NLGN4X: variants seen among roughly 807,000 people sequenced by gnomAD.
NLGN4X encodes the protein neuroligin-4, X-linked.
In NLGN4X, 3 loss-of-function variants were observed where a neutral mutation model predicts 40.3. The ratio of observed to expected loss-of-function variants is 0.07; its 90% CI spans 0.03 to 0.19. NLGN4X has a LOEUF of 0.19. Ranked by LOEUF, NLGN4X falls within the 10% of genes least tolerant of loss-of-function variation. NLGN4X has a pLI of 1.00. For synonymous variants in NLGN4X, 270 were observed against 306.8 expected, an observed-to-expected ratio of 0.88 and a Z score of 1.25; for missense variants, 382 against 708.3, an observed-to-expected ratio of 0.54 and a Z score of 5.23.
intron 2 of NLGN4X, among the ~76,000 whole-genome samples, chrX:6,065,878 T>G (rs190575935): frequency 4.4e-4 from 49 of 112,156 alleles, no homozygotes; most frequent in Non-Finnish European, 8.1e-4. Flanking sequence ...TTTTAAAATG[T>G]TAAATCAAAA....
intron 2 of NLGN4X, among the ~76,000 whole-genome samples, chrX:6,122,553 G>A (rs757745222): frequency 5.4e-5 from 6 of 110,452 alleles, no homozygotes; most frequent in Admixed American, 9.7e-5. Context: ...GCTTTTGATT[G>A]CCCATTGGAC....
At chrX:6,022,024 C>A (rs2036572231) in intron 3 of NLGN4X, among the ~76,000 whole-genome samples, 1 of 112,148 alleles carries the variant, frequency 8.9e-6, no homozygotes, top group Admixed American at 9.5e-5. Flanking sequence ...CTTTCTCACC[C>A]TTCTCTCATG....
intron 1 of NLGN4X, among the ~76,000 whole-genome samples, chrX:6,219,982 C>G (rs773903968): frequency 1.8e-5 from 2 of 108,308 alleles, no homozygotes; most frequent in Non-Finnish European, 3.8e-5. Flanking sequence ...TACTTTGATT[C>G]GACAAAAACA....
intron 2 of NLGN4X, among the ~76,000 whole-genome samples, chrX:6,095,883 C>G (rs975305182): frequency 8.0e-5 from 9 of 111,965 alleles, no homozygotes; most frequent in African/African-American, 2.9e-4. Flanking sequence ...GTGGAAAAAT[C>G]AAAATGGTCC....
intron 3 of NLGN4X, among the ~76,000 whole-genome samples, chrX:6,020,745 C>A (rs183006961): frequency 9.0e-6 from 1 of 111,151 alleles, no homozygotes; most frequent in East Asian, 2.8e-4. Flanking sequence ...TAAATGAATA[C>A]ATTAGGGAAA....
chrX:6,026,471 C>G (rs933916905), intron 3 of NLGN4X, among the ~76,000 whole-genome samples: 37 of 111,814 alleles, frequency 3.3e-4, no homozygotes, highest in African/African-American at 1.2e-3. Context: ...GGTTTAAAAA[C>G]ATTTTTTCAA....
chrX:6,055,725 A>C (rs866606485), intron 2 of NLGN4X, among the ~76,000 whole-genome samples: 8 of 112,556 alleles, frequency 7.1e-5, no homozygotes, highest in Middle Eastern at 4.6e-3. Context: ...CATTAAATAT[A>C]AAAATAATTA....
At chrX:6,221,393 A>T (rs868485538) in intron 1 of NLGN4X, among the ~76,000 whole-genome samples, 16 of 18,339 alleles carry the variant, frequency 8.7e-4, no homozygotes, top group African/African-American at 3.9e-3. Flanking sequence ...TTCTTATATT[A>T]TATATATATA....
chrX:5,948,360 C>G (rs1407644112), intron 3 of NLGN4X, among the ~76,000 whole-genome samples: 1 of 112,094 alleles, frequency 8.9e-6, no homozygotes, highest in Non-Finnish European at 1.9e-5. Context: ...TGACCTTTTG[C>G]TATCCAATGG....
At chrX:5,953,414 C>G (rs1035746128) in intron 3 of NLGN4X, among the ~76,000 whole-genome samples, 3 of 110,758 alleles carry the variant, frequency 2.7e-5, no homozygotes, top group African/African-American at 9.8e-5. Context: ...ACCAGAGTGA[C>G]TATAGTCAAA....
chrX:6,123,921 T>G (rs1384785065), intron 2 of NLGN4X, among the ~76,000 whole-genome samples: 2 of 109,403 alleles, frequency 1.8e-5, no homozygotes, highest in Non-Finnish European at 3.8e-5. Flanking sequence ...TCTATAATAA[T>G]GATAACTGCA....
chrX:6,128,989 C>T (rs778715668), intron 2 of NLGN4X, among the ~76,000 whole-genome samples: 10 of 111,623 alleles, frequency 9.0e-5, no homozygotes, highest in Non-Finnish European at 1.7e-4. Context: ...CTACCCACTG[C>T]TGTGTGGTCT....
chrX:6,063,978 T>C (rs1175121001), intron 2 of NLGN4X, among the ~76,000 whole-genome samples: 3 of 111,959 alleles, frequency 2.7e-5, no homozygotes, highest in African/African-American at 6.5e-5. Context: ...TTGCCAGAGG[T>C]AAACTGCTAT....
intron 2 of NLGN4X, among the ~76,000 whole-genome samples, chrX:6,078,169 TC>T (rs1393832125): frequency 4.5e-5 from 5 of 111,710 alleles, no homozygotes. Context: ...TTGCTTCATT[TC>T]CCTCAAAGCT....
intron 1 of NLGN4X, among the ~76,000 whole-genome samples, chrX:6,164,066 C>T (rs1201199790): frequency 8.9e-6 from 1 of 112,838 alleles, no homozygotes; most frequent in Non-Finnish European, 1.9e-5. Context: ...ACTCATGTTT[C>T]CACCATAAAA....
chrX:6,180,032 C>G (rs1473798981), intron 1 of NLGN4X, among the ~76,000 whole-genome samples: 2 of 111,249 alleles, frequency 1.8e-5, no homozygotes, highest in East Asian at 5.6e-4. Flanking sequence ...GCAGTAAGAT[C>G]TCTTCTAGTT....
intron 2 of NLGN4X, among the ~76,000 whole-genome samples, chrX:6,046,867 ATG>A (rs1476156619): frequency 5.2e-5 from 2 of 38,551 alleles, no homozygotes; most frequent in East Asian, 1.3e-3. Context: ...ATATATACAC[ATG>A]TCTGTATACA....
intron 1 of NLGN4X, among the ~76,000 whole-genome samples, chrX:6,226,389 C>G (rs370759625): frequency 2.1e-4 from 23 of 110,877 alleles, no homozygotes; most frequent in African/African-American, 7.2e-4. Context: ...GGCTGCCCCT[C>G]GCTCTCCATG....
At chrX:6,022,797 G>A (rs1043543206) in intron 3 of NLGN4X, among the ~76,000 whole-genome samples, 2 of 111,784 alleles carry the variant, frequency 1.8e-5, no homozygotes, top group African/African-American at 6.5e-5. Context: ...CTCAATTTCA[G>A]AGGAAAACCC....
Sources: gnomAD v4.1 joint callset for allele counts (sites outside exome capture counted in the v4.1 genomes callset) on GRCh38, gnomAD v4.1.1 for gene constraint, MANE v1.5 for transcripts, NCBI Gene and HGNC (gene_info 2026-07-23, HGNC 2026-07-21) for gene names.